CNDP1: variants seen among roughly 807,000 people sequenced by gnomAD.
CNDP1 encodes the protein carnosine dipeptidase 1.
A neutral mutation model predicts 58.1 loss-of-function variants in CNDP1; 44 were observed. That is an observed-to-expected ratio of 0.76 (90% CI 0.60 to 0.97). The LOEUF (loss-of-function observed/expected upper bound fraction) is 0.97, where lower values mean the gene tolerates loss of function less well. CNDP1 is among the 50% of genes least tolerant of loss of function. CNDP1 has a pLI of 0.00. For synonymous variants in CNDP1, 254 were observed against 252.6 expected (o/e 1.01, Z -0.05); for missense variants, 616 against 655.1 (o/e 0.94, Z 0.65).
intron 5 of CNDP1, among the ~76,000 whole-genome samples, chr18:74,565,836 G>A (rs1981314371): frequency 6.6e-6 from 1 of 152,222 alleles, no homozygotes; most frequent in African/African-American, 2.4e-5. Flanking sequence ...ACTAGGGAGT[G>A]CCCCACTAGG....
At chr18:74,581,262 G>GTGTGTA (rs1370976903) in intron 10 of CNDP1, among the ~76,000 whole-genome samples, 3 of 143,366 alleles carry the variant, frequency 2.1e-5, no homozygotes, top group Non-Finnish European at 3.1e-5. Flanking sequence ...GTGTGTGTGT[G>GTGTGTA]TAAGCTTGAC....
At chr18:74,561,045 C>T (rs762041235) in intron 4 of CNDP1, 27 bp downstream of exon 4, 41 of 1,603,176 alleles carry the variant, frequency 2.6e-5, no homozygotes, top group South Asian at 6.6e-5. Context: ...GGCTACAGTG[C>T]GGTGCTGCTG....
chr18:74,579,318 TCCCCTCCCCTCTCCATCCCCTC>T (rs1290576538), intron 9 of CNDP1, among the ~76,000 whole-genome samples: 2 of 118,354 alleles, frequency 1.7e-5, no homozygotes, highest in African/African-American at 6.5e-5. Flanking sequence ...CCCACTCCCT[TCCCCTCCCCTCTCCATCCCCTC>T]CCCCTCCCCT....
chr18:74,551,940 C>T (rs1371851991), intron 1 of CNDP1, among the ~76,000 whole-genome samples: 4 of 151,970 alleles, frequency 2.6e-5, no homozygotes. Context: ...AACCAGTAGC[C>T]ACTGTTGTCT....
chr18:74,579,028 C>T (rs1365146676), intron 9 of CNDP1, among the ~76,000 whole-genome samples: 1 of 152,106 alleles, frequency 6.6e-6, no homozygotes, highest in African/African-American at 2.4e-5. Context: ...ATCCCATTAT[C>T]CCCCTTTATT....
At chr18:74,534,810 T>C (rs1980446155) in intron 1 of CNDP1, 119 bp downstream of exon 1, 1 of 1,044,454 alleles carries the variant, frequency 9.6e-7, no homozygotes, top group African/African-American at 1.6e-5. Context: ...CCCCAGATGC[T>C]GCTCCTCATG....
Position 74,584,660 on chromosome 18 carries a change from C to G in CNDP1, c.*98C>G, listed in dbSNP as rs1981867912. 1.1e-6 allele frequency: 1 copy of G among 918,998 alleles called. No individual in the cohort carries two copies. The highest frequency in any genetic ancestry group is 1.6e-5 in the African/African-American group (1 of 60,770). 56.9% of individuals were successfully genotyped at this position (918,998 alleles called of 1,614,324 possible). On this transcript the variant is annotated 3_prime_UTR_variant, in exon 12 of 12. Coordinates refer to ENST00000358821, the MANE Select transcript of CNDP1 (RefSeq NM_032649.6). ...ATGTAAATATCCAGAGAATTTGGGT[C>G]TAGTATAGTACATTTTCCCTTCCAT...
chr18:74,560,812 A>G, intron 3 of CNDP1, 44 bp from the exon 4 acceptor site: 1 of 1,583,026 alleles, frequency 6.3e-7, no homozygotes, highest in Non-Finnish European at 8.7e-7. Flanking sequence ...TTCTGGAAGA[A>G]CAACACAGCA....
chr18:74,560,889 G>A lies in CNDP1; in HGVS notation c.337G>A (p.Val113Ile), dbSNP rs4263028. The A allele has an allele frequency of 3.1e-3, 5,060 of 1,614,022 alleles. 128 individuals carry two copies. The African/African-American group carries it at 0.058, about 19-fold the overall frequency. ...TGGTCAGAGTCTTCCAATACCTCCC[G>A]TCATCCTGGCCGAACTGGGGAGCGA... is the stretch of plus-strand genomic sequence containing the variant. Reference protein sequence around the residue: ...PDGQSLPIPPVILAELGSDPT... With the variant: ...PDGQSLPIPPIILAELGSDPT... The change falls in exon 4 of 12, where the codon GTC becomes ATC. Residue 113 changes from valine (V) to isoleucine (I), a missense_variant. Coordinates refer to ENST00000358821, the MANE Select transcript of CNDP1 (RefSeq NM_032649.6).
Position 74,567,170 on chromosome 18 carries a change from G to A in CNDP1, c.556-63G>A, listed in dbSNP as rs868271107. 5 of 1,310,898 alleles carry A rather than the reference G, an allele frequency of 3.8e-6. No homozygotes were observed. In the Middle Eastern group the frequency reaches 9.1e-4, roughly 239 times the overall value. 81.2% of individuals were successfully genotyped at this position (1,310,898 alleles called of 1,614,324 possible). A position where few individuals can be genotyped will look rare whatever the true frequency, so the allele number is the denominator to read the frequency against. ...GAGATACAATTCAAGTTGAGATTTG[G>A]TGGGGACACAGCCAAACCACATCAG... On this transcript the variant is annotated intron_variant, in intron 5 of 11. Coordinates refer to ENST00000358821, the MANE Select transcript of CNDP1 (RefSeq NM_032649.6).
At chr18:74,569,636 CAT>C (rs1981420521) in intron 6 of CNDP1, among the ~76,000 whole-genome samples, 3 of 152,176 alleles carry the variant, frequency 2.0e-5, no homozygotes, top group Non-Finnish European at 4.4e-5. Flanking sequence ...CAGGTCCACA[CAT>C]GTTTGTGTCA....
chr18:74,558,738 G>A (rs1981109077), intron 2 of CNDP1, among the ~76,000 whole-genome samples: 1 of 152,170 alleles, frequency 6.6e-6, no homozygotes, highest in Non-Finnish European at 1.5e-5. Flanking sequence ...CAGGCTAAGG[G>A]AGGTTAAGGA....
At chr18:74,538,419 G>T (rs1303361192) in intron 1 of CNDP1, among the ~76,000 whole-genome samples, 1 of 152,108 alleles carries the variant, frequency 6.6e-6, no homozygotes, top group African/African-American at 2.4e-5. Flanking sequence ...GCCACATTTT[G>T]TATTTATCCA....
At chr18:74,550,083 A>G (rs1192816902) in intron 1 of CNDP1, among the ~76,000 whole-genome samples, 2 of 152,236 alleles carry the variant, frequency 1.3e-5, no homozygotes. Flanking sequence ...GGTCAAAAGG[A>G]AACTATGGGG....
At chr18:74,536,951 T>A (rs1217472848) in intron 1 of CNDP1, among the ~76,000 whole-genome samples, 2 of 152,258 alleles carry the variant, frequency 1.3e-5, no homozygotes, top group Non-Finnish European at 2.9e-5. Context: ...GAAAAGTGTC[T>A]GTTCATGTCC....
chr18:74,552,323 A>C (rs542967665), intron 1 of CNDP1, among the ~76,000 whole-genome samples: 2 of 152,346 alleles, frequency 1.3e-5, no homozygotes, highest in East Asian at 3.9e-4. Flanking sequence ...GCCCATTTAA[A>C]GTGTGTAATT....
intron 5 of CNDP1, among the ~76,000 whole-genome samples, chr18:74,565,624 C>T (rs1041136309): frequency 6.6e-6 from 1 of 152,208 alleles, no homozygotes; most frequent in African/African-American, 2.4e-5. Flanking sequence ...GGTCTCATGT[C>T]CAGGTTACAC....
chr18:74,556,461 G>A lies in CNDP1; in HGVS notation c.148G>A (p.Val50Met). 1 of 1,614,180 alleles carries A rather than the reference G, an allele frequency of 6.2e-7. No individual in the cohort carries two copies. Among genetic ancestry groups the A allele is most frequent in the South Asian group, 1.1e-5 (1 of 91,070 alleles). The change falls in exon 2 of 12, where the codon GTG becomes ATG. Residue 50 changes from valine to methionine, a missense_variant. Physicochemically the swap from Val to Met is conservative, Grantham distance 21. Coordinates refer to ENST00000358821, the MANE Select transcript of CNDP1 (RefSeq NM_032649.6). Reference sequence around the variant, plus strand: ...CATTGACCTCCATCAGGATGAATTTGTGCAGGTAGGAGAAAGAAACTACAC... The same window carrying A: ...CATTGACCTCCATCAGGATGAATTTATGCAGGTAGGAGAAAGAAACTACAC... ...QYIDLHQDEF[V>M]QTLKEWVAIE...
chr18:74,579,222 T>TC (rs1981722780), intron 9 of CNDP1, among the ~76,000 whole-genome samples: 1 of 91,438 alleles, frequency 1.1e-5, no homozygotes, highest in Non-Finnish European at 2.3e-5. Context: ...TCCCTTCCCT[T>TC]CCCTTCCCTC....
Sources: gnomAD v4.1 joint callset for allele counts (sites outside exome capture counted in the v4.1 genomes callset) on GRCh38, gnomAD v4.1.1 for gene constraint, MANE v1.5 for transcripts, NCBI Gene and HGNC (gene_info 2026-07-23, HGNC 2026-07-21) for gene names.